ENTREP2: variants seen among roughly 807,000 people sequenced by gnomAD.
ENTREP2 encodes the protein endosomal transmembrane epsin interactor 2.
chr15:29,476,255 T>C, the ENTREP2 span, among the ~76,000 whole-genome samples: 1 of 152,236 alleles, frequency 6.6e-6, no homozygotes, highest in South Asian at 2.1e-4. Flanking sequence ...GCATTTTGTG[T>C]ATTTTATTAT....
chr15:29,297,590 T>C, the ENTREP2 span, among the ~76,000 whole-genome samples: 2 of 152,202 alleles, frequency 1.3e-5, no homozygotes, highest in Non-Finnish European at 2.9e-5. Flanking sequence ...ACATTAAAAG[T>C]TGCTAAAATC....
At chr15:29,432,802 C>T in the ENTREP2 span, among the ~76,000 whole-genome samples, 3 of 152,066 alleles carry the variant, frequency 2.0e-5, no homozygotes, top group Non-Finnish European at 2.9e-5. Context: ...CTGAGATCCA[C>T]GCAGCTGTGA....
chr15:29,404,179 G>A, the ENTREP2 span, among the ~76,000 whole-genome samples: 234 of 152,126 alleles, frequency 1.5e-3, 1 homozygote, highest in African/African-American at 5.4e-3. Context: ...GCCCACTCCC[G>A]CTGATGATAG....
the ENTREP2 span, chr15:29,128,649 T>C: frequency 1.4e-6 from 1 of 731,304 alleles, no homozygotes; most frequent in Non-Finnish European, 2.4e-6. Flanking sequence ...TGCTGCAAAC[T>C]CCACCCTCTT....
the ENTREP2 span, among the ~76,000 whole-genome samples, chr15:29,632,407 C>G: frequency 6.6e-6 from 1 of 151,970 alleles, no homozygotes; most frequent in South Asian, 2.1e-4. Flanking sequence ...GATTTTTTTC[C>G]TCAGAATGTT....
chr15:29,139,181 G>A, the ENTREP2 span, among the ~76,000 whole-genome samples: 1 of 152,170 alleles, frequency 6.6e-6, no homozygotes, highest in African/African-American at 2.4e-5. Flanking sequence ...AAATAAGCAT[G>A]CTCTAGGTTG....
the ENTREP2 span, among the ~76,000 whole-genome samples, chr15:29,308,712 G>C: frequency 1.3e-5 from 2 of 152,192 alleles, no homozygotes; most frequent in African/African-American, 4.8e-5. Flanking sequence ...TGACGTTGAA[G>C]ATGTTCAGAA....
the ENTREP2 span, among the ~76,000 whole-genome samples, chr15:29,466,809 C>A: frequency 7.2e-6 from 1 of 139,444 alleles, no homozygotes. Context: ...CTGCAGCCCC[C>A]AGGGGAGGGC....
the ENTREP2 span, among the ~76,000 whole-genome samples, chr15:29,468,944 CA>C: frequency 6.6e-6 from 1 of 152,228 alleles, no homozygotes; most frequent in Non-Finnish European, 1.5e-5. Flanking sequence ...AGGTAACACA[CA>C]CAAAACCTGC....
the ENTREP2 span, among the ~76,000 whole-genome samples, chr15:29,219,122 A>AG: frequency 6.6e-6 from 1 of 150,462 alleles, no homozygotes; most frequent in Non-Finnish European, 1.5e-5. Context: ...GAAAAAAAAA[A>AG]CAAACAATCC....
the ENTREP2 span, among the ~76,000 whole-genome samples, chr15:29,526,093 C>T: frequency 2.0e-5 from 3 of 152,108 alleles, no homozygotes; most frequent in Non-Finnish European, 4.4e-5. Context: ...ATTCTATACC[C>T]TGAAGTACAA....
the ENTREP2 span, among the ~76,000 whole-genome samples, chr15:29,229,269 G>A: frequency 1.3e-5 from 2 of 152,138 alleles, no homozygotes; most frequent in Non-Finnish European, 2.9e-5. Context: ...TGGTAAAACT[G>A]AGAATGAGAA....
chr15:29,195,062 A>T, the ENTREP2 span: 2 of 950,478 alleles, frequency 2.1e-6, no homozygotes, highest in East Asian at 1.2e-4. Flanking sequence ...AGGCTCCAGG[A>T]TGCAGTGAGG....
chr15:29,291,074 G>A, the ENTREP2 span, among the ~76,000 whole-genome samples: 1 of 152,128 alleles, frequency 6.6e-6, no homozygotes, highest in East Asian at 1.9e-4. Flanking sequence ...TCACCATCAG[G>A]TGCCTCCCCC....
At chr15:29,217,384 G>A in the ENTREP2 span, among the ~76,000 whole-genome samples, 4 of 152,164 alleles carry the variant, frequency 2.6e-5, no homozygotes, top group African/African-American at 9.7e-5. Context: ...TAAAAACATG[G>A]TTAGTAAAAA....
chr15:29,173,153 AGCC>A, the ENTREP2 span, among the ~76,000 whole-genome samples: 11 of 152,146 alleles, frequency 7.2e-5, no homozygotes, highest in African/African-American at 2.2e-4. Flanking sequence ...TCACTGAACC[AGCC>A]TGGGCACGTG....
chr15:29,151,826 C>T, the ENTREP2 span: 26 of 1,551,230 alleles, frequency 1.7e-5, no homozygotes, highest in South Asian at 4.8e-5. Context: ...AGGGCACACA[C>T]GCTGAAGAGG....
At chr15:29,178,306 A>G in the ENTREP2 span, among the ~76,000 whole-genome samples, 1 of 151,724 alleles carries the variant, frequency 6.6e-6, no homozygotes, top group African/African-American at 2.4e-5. Flanking sequence ...AAAAAAAAAA[A>G]AAAAGAAAGA....
chr15:29,602,160 T>A, the ENTREP2 span, among the ~76,000 whole-genome samples: 4 of 152,214 alleles, frequency 2.6e-5, no homozygotes, highest in Non-Finnish European at 5.9e-5. Context: ...TCTTCACAAG[T>A]CCAGTGTAAG....
Sources: gnomAD v4.1 joint callset for allele counts (sites outside exome capture counted in the v4.1 genomes callset) on GRCh38, gnomAD v4.1.1 for gene constraint, MANE v1.5 for transcripts, NCBI Gene and HGNC (gene_info 2026-07-23, HGNC 2026-07-21) for gene names.